Variants in FGF14 observed in about 807,000 individuals in gnomAD.
FGF14 encodes fibroblast growth factor homologous factor 4.
FGF14 carries 5 observed loss-of-function variants against 25.5 expected under a neutral mutation model. That is an observed-to-expected ratio of 0.20 (90% CI 0.10 to 0.41). The LOEUF (loss-of-function observed/expected upper bound fraction) is 0.41, where lower values mean the gene tolerates loss of function less well. Among genes scored for constraint, FGF14 ranks in the 10% least tolerant of loss-of-function variants. The pLI is 1.00. For synonymous variants in FGF14, 138 were observed against 118.3 expected (o/e 1.17, Z -1.08); for missense variants, 222 against 320.1 (o/e 0.69, Z 2.34).
chr13:101,860,267 G>A (rs192407257), intron 3 of FGF14, among the ~76,000 whole-genome samples: 4 of 152,138 alleles, frequency 2.6e-5, no homozygotes, highest in African/African-American at 7.2e-5. Flanking sequence ...TGGTGCTCGA[G>A]GAGACATTTC....
chr13:102,356,676 G>A (rs2057425263), intron 1 of FGF14, among the ~76,000 whole-genome samples: 1 of 152,110 alleles, frequency 6.6e-6, no homozygotes, highest in South Asian at 2.1e-4. Flanking sequence ...CTGTCCCATT[G>A]AATCACACAA....
At chr13:102,333,056 CTA>C (rs1389829945) in intron 1 of FGF14, among the ~76,000 whole-genome samples, 1 of 152,112 alleles carries the variant, frequency 6.6e-6, no homozygotes, top group Non-Finnish European at 1.5e-5. Context: ...ATTACAAATT[CTA>C]TGTGTTAAGC....
intron 1 of FGF14, among the ~76,000 whole-genome samples, chr13:102,303,670 T>A (rs1466893142): frequency 6.6e-6 from 1 of 152,200 alleles, no homozygotes; most frequent in Non-Finnish European, 1.5e-5. Flanking sequence ...CTATAGCTAG[T>A]ATGTGGTGGA....
intron 1 of FGF14, among the ~76,000 whole-genome samples, chr13:102,057,658 T>C (rs898268014): frequency 5.3e-5 from 8 of 152,202 alleles, no homozygotes; most frequent in African/African-American, 1.9e-4. Context: ...GCATGAATAG[T>C]GCATTGTAAT....
chr13:102,242,401 C>T (rs776100347), intron 1 of FGF14, among the ~76,000 whole-genome samples: 1 of 152,040 alleles, frequency 6.6e-6, no homozygotes, highest in Non-Finnish European at 1.5e-5. Flanking sequence ...AATTAATTGG[C>T]TCCTGGCTCT....
rs191298940 is a variant in FGF14 at position 102,175,570 on chromosome 13, G to A, written c.208+225901C>T. On this transcript the variant is annotated intron_variant, in intron 1 of 4. Transcript: ENST00000376131. ...GCAAATGTTAACAAAAACAAAAATC[G>A]ACAAATGGAGTTTCATTAAATGAAA... 4.1e-3 allele frequency among the ~76,000 whole-genome samples: 619 copies of A among 152,046 alleles called. 4 individuals are homozygous for A. The highest frequency in any genetic ancestry group is 0.014 in the African/African-American group (585 of 41,490).
chr13:101,945,186 C>T (rs1290932992), intron 1 of FGF14, among the ~76,000 whole-genome samples: 1 of 151,936 alleles, frequency 6.6e-6, no homozygotes, highest in Non-Finnish European at 1.5e-5. Context: ...GGTGTGGTGG[C>T]GCATGACTGT....
chr13:102,025,827 T>C (rs1182821962), intron 1 of FGF14, among the ~76,000 whole-genome samples: 14 of 152,124 alleles, frequency 9.2e-5, no homozygotes, highest in Non-Finnish European at 1.6e-4. Context: ...GAAATACAAT[T>C]GATTGTTCTA....
intron 3 of FGF14, 28 bp from the exon 4 acceptor site, chr13:101,726,838 A>G (rs369575814): frequency 1.9e-5 from 29 of 1,520,898 alleles, no homozygotes; most frequent in Non-Finnish European, 2.5e-5. Flanking sequence ...AACAAAAGTT[A>G]GAGGAAGGAA....
intron 1 of FGF14, among the ~76,000 whole-genome samples, chr13:102,170,933 T>C (rs531118675): frequency 1.1e-3 from 171 of 152,222 alleles, no homozygotes; most frequent in African/African-American, 4.1e-3. Context: ...CAAAGCATAG[T>C]GAGTTACAAA....
intron 1 of FGF14, among the ~76,000 whole-genome samples, chr13:102,229,531 T>C (rs1303077190): frequency 6.6e-6 from 1 of 152,174 alleles, no homozygotes; most frequent in East Asian, 1.9e-4. Flanking sequence ...CCTAAAGTTG[T>C]GACTAATGAG....
intron 3 of FGF14, among the ~76,000 whole-genome samples, chr13:101,864,392 T>C (rs897927242): frequency 6.6e-6 from 1 of 152,164 alleles, no homozygotes; most frequent in African/African-American, 2.4e-5. Flanking sequence ...CTCCCCCAGA[T>C]ACCATTGCAG....
intron 1 of FGF14, among the ~76,000 whole-genome samples, chr13:102,315,821 G>T (rs2055993521): frequency 6.6e-6 from 1 of 152,134 alleles, no homozygotes; most frequent in Non-Finnish European, 1.5e-5. Context: ...CAGATTTATT[G>T]AAGCTTTAAT....
chr13:101,812,049 G>T (rs1452632889), intron 3 of FGF14, among the ~76,000 whole-genome samples: 3 of 152,080 alleles, frequency 2.0e-5, no homozygotes, highest in Non-Finnish European at 4.4e-5. Flanking sequence ...GATTTCAAAA[G>T]ATTTATCACT....
chr13:101,897,988 G>A (rs147996935), intron 1 of FGF14, among the ~76,000 whole-genome samples: 1,920 of 151,788 alleles, frequency 0.013, 103 homozygotes, highest in East Asian at 0.11. Flanking sequence ...TCTGCCTCCC[G>A]GGTTCAAGTG....
rs1300169570 is a variant in FGF14 at position 101,720,846 on chromosome 13, ACTCAAACGTTCTG to A, written c.*1972_*1984del. The A allele has an allele frequency of 6.6e-6, 1 of 152,144 alleles. No individual in the cohort carries two copies. Among genetic ancestry groups the A allele is most frequent in the Non-Finnish European group, 1.5e-5 (1 of 68,016 alleles). The allele number at this position is 152,144 out of a possible 1,614,324, so 9.4% of individuals were successfully genotyped here. A position where few individuals can be genotyped will look rare whatever the true frequency, so the allele number is the denominator to read the frequency against. On this transcript the variant is annotated 3_prime_UTR_variant, in exon 5 of 5. Coordinates refer to ENST00000376143, the MANE Select transcript of FGF14 (RefSeq NM_004115.4). ...ATTTAGCATCATTGGCAATAAATCT[ACTCAAACGTTCTG>A]CTAACTTTTTATTTATTCAAGTAGA...
intron 1 of FGF14, among the ~76,000 whole-genome samples, chr13:101,905,765 T>C (rs1594675849): frequency 6.6e-6 from 1 of 152,142 alleles, no homozygotes; most frequent in Non-Finnish European, 1.5e-5. Context: ...GCCTGTTCTA[T>C]GGGTACATCC....
chr13:102,141,265 C>T (rs552578598), intron 1 of FGF14, among the ~76,000 whole-genome samples: 5 of 152,094 alleles, frequency 3.3e-5, no homozygotes, highest in Non-Finnish European at 5.9e-5. Flanking sequence ...TTCAGAGACA[C>T]GAAACAGAAC....
intron 1 of FGF14, among the ~76,000 whole-genome samples, chr13:102,039,740 G>A (rs1383958292): frequency 6.6e-6 from 1 of 152,094 alleles, no homozygotes; most frequent in Non-Finnish European, 1.5e-5. Context: ...CAGAGGTAGG[G>A]ACTTCAATAT....
Sources: gnomAD v4.1 joint callset for allele counts (sites outside exome capture counted in the v4.1 genomes callset) on GRCh38, gnomAD v4.1.1 for gene constraint, MANE v1.5 for transcripts, NCBI Gene and HGNC (gene_info 2026-07-23, HGNC 2026-07-21) for gene names.